AKAP6: variants seen among roughly 807,000 people sequenced by gnomAD.
The protein encoded by AKAP6 is A-kinase anchor protein 6.
Under a neutral mutation model 188.5 loss-of-function variants are expected in AKAP6, and 58 were observed. The observed-to-expected ratio is 0.31, with a 90% CI of 0.25 to 0.38. The LOEUF (loss-of-function observed/expected upper bound fraction) is 0.38, where lower values mean the gene tolerates loss of function less well. Ranked by LOEUF, AKAP6 falls within the 10% of genes least tolerant of loss-of-function variation. AKAP6 has a pLI of 1.00. For synonymous variants in AKAP6, 989 were observed against 998.6 expected, an observed-to-expected ratio of 0.99 and a Z score of 0.18; for missense variants, 2,710 against 2,740.0, an observed-to-expected ratio of 0.99 and a Z score of 0.24.
chr14:32,805,462 T>C (rs2034065301), intron 12 of AKAP6, among the ~76,000 whole-genome samples: 1 of 152,214 alleles, frequency 6.6e-6, no homozygotes, highest in African/African-American at 2.4e-5. Flanking sequence ...GGGAGAACTA[T>C]AGGCTATTTG....
intron 7 of AKAP6, among the ~76,000 whole-genome samples, chr14:32,615,079 G>T (rs1886506638): frequency 6.9e-6 from 1 of 144,262 alleles, no homozygotes. Flanking sequence ...TGAGGCAGGA[G>T]AATCACTTAA....
chr14:32,518,462 A>G (rs930592826), intron 2 of AKAP6, among the ~76,000 whole-genome samples: 12 of 152,176 alleles, frequency 7.9e-5, no homozygotes, highest in African/African-American at 2.9e-4. Context: ...GATTAGACGA[A>G]TGGCTAACTA....
intron 1 of AKAP6, among the ~76,000 whole-genome samples, chr14:32,352,617 G>A (rs974377941): frequency 1.3e-5 from 2 of 152,050 alleles, no homozygotes; most frequent in African/African-American, 4.8e-5. Context: ...ACTTCTATGA[G>A]ACCAGCTTTC....
rs1422797309 is a variant in AKAP6, at chr14:32,545,381, T to C, written c.728T>C (p.Met243Thr). ...SEDLLSGLGD[M>T]TSSQVKTKPF... ...GATTTGCTCAGTGGGCTAGGTGACATGACCTCTAGCCAAGTCAAAACCAAA... is the reference window on the plus strand; with the variant it reads ...GATTTGCTCAGTGGGCTAGGTGACACGACCTCTAGCCAAGTCAAAACCAAA... Residue 243 changes from methionine (M) to threonine (T), a missense_variant, in exon 4 of 14, where the codon ATG becomes ACG. By Grantham distance (81) the Met-to-Thr change is moderately conservative. Transcript: ENST00000280979. 6.2e-7 allele frequency: 1 copy of C among 1,614,206 alleles called. No homozygotes were observed. Among genetic ancestry groups the C allele is most frequent in the Non-Finnish European group, 8.5e-7 (1 of 1,180,016 alleles).
intron 2 of AKAP6, among the ~76,000 whole-genome samples, chr14:32,513,158 A>G (rs1201432193): frequency 2.0e-5 from 3 of 152,150 alleles, no homozygotes; most frequent in African/African-American, 4.8e-5. Context: ...CCATAGAACT[A>G]TCTCCTCCCT....
intron 4 of AKAP6, among the ~76,000 whole-genome samples, chr14:32,567,532 A>AT (rs974772367): frequency 7.9e-5 from 12 of 151,916 alleles, no homozygotes; most frequent in Non-Finnish European, 2.9e-5. Flanking sequence ...TGGAATTCCA[A>AT]TTTTTTTTCT....
chr14:32,655,522 G>A (rs1271582647), intron 7 of AKAP6, among the ~76,000 whole-genome samples: 2 of 152,172 alleles, frequency 1.3e-5, no homozygotes, highest in Non-Finnish European at 2.9e-5. Context: ...GCTAAGACTA[G>A]CAGATAGATC....
intron 1 of AKAP6, among the ~76,000 whole-genome samples, chr14:32,334,960 T>A (rs777898753): frequency 1.3e-5 from 2 of 152,054 alleles, no homozygotes; most frequent in East Asian, 1.9e-4. Context: ...ATTTTCAGAT[T>A]TTTTTTTGGA....
chr14:32,600,477 CTGAG>C, intron 6 of AKAP6, 148 bp from the exon 7 acceptor site: 1 of 853,336 alleles, frequency 1.2e-6, no homozygotes, highest in South Asian at 2.5e-5. Flanking sequence ...TGTCTCTATT[CTGAG>C]TGACAAATGC....
chr14:32,640,915 A>C (rs573423256), intron 7 of AKAP6, among the ~76,000 whole-genome samples: 20 of 152,222 alleles, frequency 1.3e-4, no homozygotes, highest in Non-Finnish European at 2.6e-4. Flanking sequence ...TGTAAAATAC[A>C]TAAGTGAGGA....
At chr14:32,482,973 CTG>C (rs141150013) in intron 2 of AKAP6, among the ~76,000 whole-genome samples, 100 of 145,434 alleles carry the variant, frequency 6.9e-4, no homozygotes, top group African/African-American at 1.9e-3. Flanking sequence ...GTGTGTGTGT[CTG>C]TGTGTGTGTG....
intron 8 of AKAP6, among the ~76,000 whole-genome samples, chr14:32,685,849 T>C (rs1041594110): frequency 6.6e-6 from 1 of 152,018 alleles, no homozygotes; most frequent in Non-Finnish European, 1.5e-5. Context: ...GGAATCTAAA[T>C]TCGTACAACC....
At chr14:32,361,823 GCTATC>G (rs1887673791) in intron 1 of AKAP6, among the ~76,000 whole-genome samples, 1 of 152,112 alleles carries the variant, frequency 6.6e-6, no homozygotes, top group Non-Finnish European at 1.5e-5. Context: ...GTGGGGTGTT[GCTATC>G]CTTCACTGCT....
At chr14:32,681,877 A>G (rs1187592455) in intron 8 of AKAP6, among the ~76,000 whole-genome samples, 1 of 152,012 alleles carries the variant, frequency 6.6e-6, no homozygotes, top group Non-Finnish European at 1.5e-5. Context: ...ACAAGGTTTC[A>G]CCATGTTGCC....
chr14:32,743,987 C>A (rs2031785176), intron 11 of AKAP6, among the ~76,000 whole-genome samples: 1 of 152,162 alleles, frequency 6.6e-6, no homozygotes, highest in Non-Finnish European at 1.5e-5. Flanking sequence ...AATCCCTCAG[C>A]TTTTGTTTGT....
chr14:32,352,095 G>T (rs796135373), intron 1 of AKAP6, among the ~76,000 whole-genome samples: 34 of 114,838 alleles, frequency 3.0e-4, no homozygotes, highest in African/African-American at 1.1e-3. Context: ...GTGTGTGTGT[G>T]TGTGTGTTTG....
At chr14:32,393,851 A>T (rs567659251) in intron 1 of AKAP6, among the ~76,000 whole-genome samples, 28 of 152,222 alleles carry the variant, frequency 1.8e-4, no homozygotes, top group African/African-American at 6.5e-4. Flanking sequence ...CAGGTTTGTC[A>T]TGTATTTGAA....
At chr14:32,461,994 A>C (rs1031212757) in intron 2 of AKAP6, among the ~76,000 whole-genome samples, 4 of 151,964 alleles carry the variant, frequency 2.6e-5, no homozygotes, top group Non-Finnish European at 5.9e-5. Flanking sequence ...ATTGAAGATC[A>C]ACTTACTGAA....
Position 32,822,321 on chromosome 14 carries a change from A to G in AKAP6, c.4508A>G (p.Tyr1503Cys), listed in dbSNP as rs761539570. The G allele has an allele frequency of 1.2e-6, 2 of 1,613,960 alleles. No individual in the cohort carries two copies. The highest frequency in any genetic ancestry group is 1.7e-6 in the Non-Finnish European group (2 of 1,179,924). Residue 1503 changes from tyrosine (Y) to cysteine (C), a missense_variant, in exon 13 of 14, where the codon TAT (tyrosine) becomes TGT (cysteine). By Grantham distance (194) the Tyr-to-Cys change is radical. This residue lies in a region of AKAP6 where 2,473 missense variants were observed against 2,426.1 expected (regional missense o/e 1.02). Transcript: ENST00000280979. ...GAGGATCCCCTGCTTCGTGGTTTTT[A>G]TTTTGATAAAAAATCATGCAAATCT... ...HVEDPLLRGF[Y>C]FDKKSCKSKH...
Sources: gnomAD v4.1 joint callset for allele counts (sites outside exome capture counted in the v4.1 genomes callset) on GRCh38, gnomAD v4.1.1 for gene constraint, gnomAD v4.1.1 regional missense constraint, MANE v1.5 for transcripts, NCBI Gene and HGNC (gene_info 2026-07-23, HGNC 2026-07-21) for gene names.